Variants in RO60 observed in about 807,000 individuals in gnomAD.
RO60 encodes RNA-binding protein RO60.
A neutral mutation model predicts 55.3 loss-of-function variants in RO60; 20 were observed. That is an observed-to-expected ratio of 0.36 (90% CI 0.25 to 0.53). RO60 has a LOEUF of 0.53. Ranked by LOEUF, RO60 falls within the 20% of genes least tolerant of loss-of-function variation. RO60 has a pLI of 0.92. For synonymous variants in RO60, 213 were observed against 213.6 expected (o/e 1.00, Z 0.02); for missense variants, 558 against 646.6 (o/e 0.86, Z 1.49).
intron 1 of RO60, among the ~76,000 whole-genome samples, chr1:193,062,904 A>C (rs1024810313): frequency 5.3e-5 from 8 of 152,272 alleles, no homozygotes; most frequent in African/African-American, 1.9e-4. Context: ...CATTGTATGG[A>C]TATACCATAT....
Position 193,085,719 on chromosome 1 carries a change from A to T in RO60, c.*988A>T, listed in dbSNP as rs1344916527. Reference sequence around the variant, plus strand: ...TTTTTTAGTTAATATTTTTAAAAGTATACATGTCAATGGCCTCTTTGTCCA... The same window carrying T: ...TTTTTTAGTTAATATTTTTAAAAGTTTACATGTCAATGGCCTCTTTGTCCA... On this transcript the variant is annotated 3_prime_UTR_variant, in exon 9 of 9. Coordinates refer to ENST00000400968, the MANE Select transcript of RO60 (RefSeq NM_001173524.2). 2 of 982,752 alleles carry T rather than the reference A, an allele frequency of 2.0e-6. No individual in the cohort carries two copies. The highest frequency in any genetic ancestry group is 1.7e-5 in the African/African-American group (1 of 57,144). The allele number at this position is 982,752 out of a possible 1,614,324, so 60.9% of individuals were successfully genotyped here.
intron 2 of RO60, among the ~76,000 whole-genome samples, chr1:193,074,098 G>T (rs1673719418): frequency 3.3e-5 from 5 of 152,074 alleles, no homozygotes; most frequent in Admixed American, 3.3e-4. Context: ...AGTATTCCAT[G>T]GTGTATATGT....
intron 2 of RO60, among the ~76,000 whole-genome samples, chr1:193,072,427 T>TC (rs1460862710): frequency 1.3e-5 from 2 of 151,874 alleles, no homozygotes; most frequent in South Asian, 2.1e-4. Context: ...TTCTTTTTTT[T>TC]CTTTGTCTTT....
chr1:193,080,599 A>G (rs1674240657), intron 5 of RO60, among the ~76,000 whole-genome samples: 1 of 152,212 alleles, frequency 6.6e-6, no homozygotes, highest in African/African-American at 2.4e-5. Flanking sequence ...TAGAAATACA[A>G]CTGATTTTGA....
chr1:193,082,334 A>G (rs781434090), intron 7 of RO60, 35 bp downstream of exon 7: 2 of 1,466,590 alleles, frequency 1.4e-6, no homozygotes, highest in South Asian at 2.4e-5. Context: ...TACTTAGTTA[A>G]GTTTACATAA....
rs1012486276 is a variant in RO60 at position 193,086,089 on chromosome 1, G to C, written c.*1358G>C. The stretch of plus-strand genomic sequence containing the variant: ...AAATATTAATTGAAGATTTACTGAG[G>C]ATTTGTAAGGTCCTTCTCGCTGTTA... On this transcript the variant is annotated 3_prime_UTR_variant, in exon 9 of 9. Coordinates refer to ENST00000400968, the MANE Select transcript of RO60 (RefSeq NM_001173524.2). The C allele has an allele frequency of 7.6e-6, 7 of 926,162 alleles. No individual in the cohort carries two copies. In the Admixed American group the frequency reaches 1.9e-4, roughly 25 times the overall value. 57.4% of individuals were successfully genotyped at this position (926,162 alleles called of 1,614,324 possible). A position where few individuals can be genotyped will look rare whatever the true frequency, so the allele number is the denominator to read the frequency against.
intron 1 of RO60, among the ~76,000 whole-genome samples, chr1:193,064,235 T>C (rs1175970893): frequency 6.6e-6 from 1 of 152,232 alleles, no homozygotes; most frequent in Admixed American, 6.5e-5. Flanking sequence ...ATGGCTGAAC[T>C]TGATCTCAAG....
At chr1:193,074,060 C>T (rs979322691) in intron 2 of RO60, among the ~76,000 whole-genome samples, 18 of 152,160 alleles carry the variant, frequency 1.2e-4, no homozygotes, top group African/African-American at 4.1e-4. Context: ...CTACAAAGGA[C>T]ATGAACTCAT....
intron 2 of RO60, among the ~76,000 whole-genome samples, chr1:193,074,751 G>A (rs1673784698): frequency 6.6e-6 from 1 of 152,180 alleles, no homozygotes; most frequent in South Asian, 2.1e-4. Flanking sequence ...GATACCATTT[G>A]TGAATTTTGG....
At chr1:193,069,945 A>G (rs1448403164) in intron 2 of RO60, among the ~76,000 whole-genome samples, 1 of 152,188 alleles carries the variant, frequency 6.6e-6, no homozygotes, top group Non-Finnish European at 1.5e-5. Context: ...GGGCAAGACT[A>G]AAAGTTGCAA....
chr1:193,075,833 G>T lies in RO60; in HGVS notation c.594G>T (p.Val198=). ...LKPSSEGLAI[V]TKYITKGWKE... is the part of the protein sequence containing the mutation. The stretch of plus-strand genomic sequence containing the variant: ...ATCTTGTTAAAGGACTTGCAATTGT[G>T]ACCAAATATATTACAAAGGGCTGGA... Residue 198 remains valine (V), a synonymous_variant, in exon 3 of 9, where the codon GTG becomes GTT. Transcript: ENST00000400968. The T allele has an allele frequency of 6.2e-7, 1 of 1,603,822 alleles. No individual in the cohort carries two copies. Among genetic ancestry groups the T allele is most frequent in the South Asian group, 1.1e-5 (1 of 88,742 alleles).
chr1:193,083,113 T>C (rs1674430480), intron 8 of RO60, among the ~76,000 whole-genome samples: 1 of 152,202 alleles, frequency 6.6e-6, no homozygotes, highest in Non-Finnish European at 1.5e-5. Context: ...CTGTATCTTA[T>C]ATAGGAGCCA....
chr1:193,061,199 C>G (rs955910889), intron 1 of RO60, among the ~76,000 whole-genome samples: 2 of 152,222 alleles, frequency 1.3e-5, no homozygotes, highest in Non-Finnish European at 2.9e-5. Context: ...CAGTTGGCAG[C>G]TCCCCTCAGA....
intron 2 of RO60, 107 bp from the exon 3 acceptor site, chr1:193,075,711 ACT>A (rs1673863542): frequency 6.5e-6 from 5 of 766,058 alleles, no homozygotes; most frequent in Non-Finnish European, 8.5e-6. Flanking sequence ...AAGGGCATTA[ACT>A]CTTGTGTATC....
intron 5 of RO60, among the ~76,000 whole-genome samples, chr1:193,080,168 CATT>C: frequency 6.6e-6 from 1 of 151,816 alleles, no homozygotes; most frequent in Admixed American, 6.6e-5. Flanking sequence ...TACTCAACAT[CATT>C]AATAATCAGA....
At chr1:193,080,886 C>G (rs1028665774) in intron 5 of RO60, among the ~76,000 whole-genome samples, 28 of 152,080 alleles carry the variant, frequency 1.8e-4, no homozygotes, top group African/African-American at 6.5e-4. Flanking sequence ...GAGTTACTAC[C>G]TAATTGGTAC....
chr1:193,063,505 G>T (rs1672918846), intron 1 of RO60, among the ~76,000 whole-genome samples: 1 of 151,920 alleles, frequency 6.6e-6, no homozygotes, highest in Non-Finnish European at 1.5e-5. Flanking sequence ...CCTTTTTCTT[G>T]GGTTGTCTTT....
chr1:193,091,753 C>A (rs1674869147), downstream of RO60: 1 of 1,316,578 alleles, frequency 7.6e-7, no homozygotes, highest in South Asian at 1.2e-5. Context: ...GATAGATGTA[C>A]CAAATAAACT....
chr1:193,061,855 G>A (rs1672776970), intron 1 of RO60, among the ~76,000 whole-genome samples: 1 of 151,950 alleles, frequency 6.6e-6, no homozygotes, highest in African/African-American at 2.4e-5. Flanking sequence ...GCGGTGGCAG[G>A]CGCCTGTAAT....
Sources: gnomAD v4.1 joint callset for allele counts (sites outside exome capture counted in the v4.1 genomes callset) on GRCh38, gnomAD v4.1.1 for gene constraint, MANE v1.5 for transcripts, NCBI Gene and HGNC (gene_info 2026-07-23, HGNC 2026-07-21) for gene names.